EVI5L: variants seen among roughly 807,000 people sequenced by gnomAD.
EVI5L encodes the protein ecotropic viral integration site 5 like.
In EVI5L, 30 loss-of-function variants were observed where a neutral mutation model predicts 106.1. The observed-to-expected ratio is 0.28, with a 90% CI of 0.21 to 0.38. The LOEUF (loss-of-function observed/expected upper bound fraction) is 0.38. EVI5L is among the 10% of genes least tolerant of loss of function. EVI5L has a pLI of 1.00. For missense variants in EVI5L, 809 were observed against 1,098.0 expected, an observed-to-expected ratio of 0.74 and a Z score of 3.72; for synonymous variants, 489 against 483.3, an observed-to-expected ratio of 1.01 and a Z score of -0.15.
chr19:7,832,186 A>C (rs927241063), intron 1 of EVI5L, among the ~76,000 whole-genome samples: 24 of 152,222 alleles, frequency 1.6e-4, no homozygotes, highest in Admixed American at 1.4e-3. Context: ...TTCTGTGGTC[A>C]GCGGAGGGTG....
In EVI5L at chr19:7,845,833, C is replaced by T. The variant is rs1487527858; in HGVS notation, c.-47-663C>T. 2.6e-5 allele frequency among the ~76,000 whole-genome samples: 4 copies of T among 152,184 alleles called. No individual in the cohort carries two copies. The highest frequency in any genetic ancestry group is 4.4e-5 in the Non-Finnish European group (3 of 68,036). ...CACGTGGCAGGCCAAGATCTGGATA[C>T]GGATCGGAGCCCACAGCTCTGGCTC... is the stretch of plus-strand genomic sequence containing the variant. On this transcript the variant is annotated intron_variant, in intron 1 of 19. Coordinates refer to ENST00000538904, the MANE Select transcript of EVI5L (RefSeq NM_001159944.3). This position sits in a 1 kb window ranked among gnomAD's most constrained non-coding sequence, Gnocchi z 4.0.
In EVI5L at chr19:7,850,059, G is replaced by A; in HGVS notation, c.690G>A (p.Glu230=). ...VRLMQEYRLR[E]LFKPSMAELG... is the part of the protein sequence containing the mutation. Reference sequence around the variant, plus strand: ...TGATGCAGGAGTACCGGCTGCGGGAGCTCTTCAAACCCAGCATGGCCGAGC... The same window carrying A: ...TGATGCAGGAGTACCGGCTGCGGGAACTCTTCAAACCCAGCATGGCCGAGC... Residue 230 remains glutamate (E), a synonymous_variant, in exon 6 of 20, where the codon GAG becomes GAA. Coordinates refer to ENST00000538904, the MANE Select transcript of EVI5L (RefSeq NM_001159944.3). This position sits in a 1 kb window ranked among gnomAD's most constrained non-coding sequence, Gnocchi z 5.4. 6.2e-7 allele frequency: 1 copy of A among 1,605,136 alleles called. No individual in the cohort carries two copies. Among genetic ancestry groups the A allele is most frequent in the Middle Eastern group, 1.7e-4 (1 of 5,980 alleles).
chr19:7,840,632 C>T (rs555572889), intron 1 of EVI5L, among the ~76,000 whole-genome samples: 48 of 152,300 alleles, frequency 3.2e-4, no homozygotes, highest in African/African-American at 1.1e-3. Flanking sequence ...TTCCTCCCTC[C>T]CCCTGGCCCC....
At chr19:7,842,808 CGA>C (rs1449687129) in intron 1 of EVI5L, among the ~76,000 whole-genome samples, 2 of 147,470 alleles carry the variant, frequency 1.4e-5, no homozygotes, top group Non-Finnish European at 3.0e-5. Flanking sequence ...ATGTGTATAT[CGA>C]GTGTGCACAT....
chr19:7,853,121 C>G lies in EVI5L; in HGVS notation c.1023C>G (p.Ser341Arg). Reference protein sequence around the residue: ...FQRVIPHQFDSCPDKLVLKAY... With the variant: ...FQRVIPHQFDRCPDKLVLKAY... ...GAGTGATCCCCCACCAGTTCGACAGCTGCCCGGACAAGCTGGTCCTCAAAG... is the reference window on the plus strand; with the variant it reads ...GAGTGATCCCCCACCAGTTCGACAGGTGCCCGGACAAGCTGGTCCTCAAAG... The change falls in exon 9 of 20, where the codon AGC becomes AGG. Residue 341 changes from serine to arginine, a missense_variant. This residue lies in a region of EVI5L where 357 missense variants were observed against 588.1 expected (regional missense o/e 0.61). Coordinates refer to ENST00000538904, the MANE Select transcript of EVI5L (RefSeq NM_001159944.3). 1.2e-6 allele frequency: 2 copies of G among 1,613,978 alleles called. No individual in the cohort carries two copies. The highest frequency in any genetic ancestry group is 1.7e-6 in the Non-Finnish European group (2 of 1,180,038).
chr19:7,854,474 A>T (rs1259609943), intron 10 of EVI5L, among the ~76,000 whole-genome samples: 1 of 151,986 alleles, frequency 6.6e-6, no homozygotes, highest in East Asian at 1.9e-4. Context: ...ACAGACAAGG[A>T]TTCAATTCCA....
In EVI5L at chr19:7,856,851, C is replaced by T. The variant is rs1172228787; in HGVS notation, c.1201-241C>T. ...AGCCCTGCGGCCTCCCCCACAGCCG[C>T]GGGCACCCCCGACCTCCCCGCTCAC... On this transcript the variant is annotated intron_variant, in intron 11 of 19. Transcript: ENST00000538904. This position sits in a 1 kb window ranked among gnomAD's most constrained non-coding sequence, Gnocchi z 6.6. 4.4e-6 allele frequency: 3 copies of T among 684,236 alleles called. No homozygotes were observed. Among genetic ancestry groups the T allele is most frequent in the Admixed American group, 2.0e-5 (1 of 48,940 alleles). The allele number at this position is 684,236 out of a possible 1,614,324, so 42.4% of individuals were successfully genotyped here.
chr19:7,831,633 G>A (rs1239456736), intron 1 of EVI5L, among the ~76,000 whole-genome samples: 2 of 152,174 alleles, frequency 1.3e-5, no homozygotes, highest in Admixed American at 1.3e-4. Flanking sequence ...AGGGAAGGAC[G>A]CTCACTTTCT....
At position 7,856,930 on chromosome 19, in the gene EVI5L, C is replaced by A; in HGVS notation, c.1201-162C>A. 1.3e-6 allele frequency: 1 copy of A among 770,164 alleles called. No individual in the cohort carries two copies. Among genetic ancestry groups the A allele is most frequent in the South Asian group, 1.5e-5 (1 of 68,722 alleles). 47.7% of individuals were successfully genotyped at this position (770,164 alleles called of 1,614,324 possible). On this transcript the variant is annotated intron_variant, in intron 11 of 19. Transcript: ENST00000538904. The surrounding 1 kb of genome is among the most constrained non-coding windows in gnomAD (Gnocchi z 6.6). ...CTCTAGCTTTGGTCTTCCTCCGGGTCCTCTCCTGCTGGTTCTCTGGTCTTC... is the reference window on the plus strand; with the variant it reads ...CTCTAGCTTTGGTCTTCCTCCGGGTACTCTCCTGCTGGTTCTCTGGTCTTC...
At position 7,847,882 on chromosome 19, in the gene EVI5L, G is replaced by A. The variant is rs1320499182; in HGVS notation, c.288G>A (p.Glu96=). The A allele has an allele frequency of 6.3e-7, 1 of 1,580,996 alleles. No individual in the cohort carries two copies. Among genetic ancestry groups the A allele is most frequent in the Non-Finnish European group, 8.6e-7 (1 of 1,163,028 alleles). ...TWILWGRIAN[E]WEEWRRRKEK... ...TCCTGTGGGGCCGGATCGCCAACGA[G>A]TGGGAGGAGTGGCGGCGCAGGAAGG... The change falls in exon 3 of 20, where the codon GAG becomes GAA. Residue 96 remains glutamate (E), a synonymous_variant. Transcript: ENST00000538904.
chr19:7,863,497 TG>T lies in EVI5L; in HGVS notation c.2215del (p.Asp739ThrfsTer15). ...AFDGLSLARH[L>X]DEDSLPSSDE... ...GATGGGCTGAGCCTGGCGCGGCACT[TG>T]GACGAGGACTCGCTGCCGTCGTCGG... On this transcript the variant is annotated frameshift_variant, in exon 20 of 20. Transcript: ENST00000538904. LOFTEE classifies it high-confidence loss of function. This position sits in a 1 kb window ranked among gnomAD's most constrained non-coding sequence, Gnocchi z 7.7. 1.3e-6 allele frequency: 2 copies of T among 1,584,790 alleles called. No individual in the cohort carries two copies. Among genetic ancestry groups the T allele is most frequent in the Non-Finnish European group, 1.7e-6 (2 of 1,166,528 alleles).
rs1233793397 is a variant in EVI5L at position 7,857,906 on chromosome 19, CT to C, written c.1234-284del. On this transcript the variant is annotated intron_variant, in intron 12 of 19. Coordinates refer to ENST00000538904, the MANE Select transcript of EVI5L (RefSeq NM_001159944.3). The surrounding 1 kb of genome is among the most constrained non-coding windows in gnomAD (Gnocchi z 4.5). ...CTGTGCCCCTGGATAAGGATCCCAA[CT>C]GGGGCAGAGACTGAGAGCCAGAGTG... The C allele has an allele frequency of 2.4e-6, 1 of 421,696 alleles. No homozygotes were observed. The highest frequency in any genetic ancestry group is 4.3e-6 in the Non-Finnish European group (1 of 231,222). The allele number at this position is 421,696 out of a possible 1,614,324, so 26.1% of individuals were successfully genotyped here. A position where few individuals can be genotyped will look rare whatever the true frequency, so the allele number is the denominator to read the frequency against.
chr19:7,852,420 C>T (rs1979296534), intron 8 of EVI5L, among the ~76,000 whole-genome samples: 1 of 152,190 alleles, frequency 6.6e-6, no homozygotes, highest in African/African-American at 2.4e-5. Flanking sequence ...TTACCTTAAC[C>T]CTTTGCACAG....
At position 7,847,300 on chromosome 19, in the gene EVI5L, A is replaced by G. The variant is rs1315618754; in HGVS notation, c.138-432A>G. On this transcript the variant is annotated intron_variant, in intron 2 of 19. Transcript: ENST00000538904. ...AGAGCAAAACTCCGTCTCAAAAAAA[A>G]GGGGGCGCTGAGGGCAGTGGCTCAA... 4.6e-5 allele frequency among the ~76,000 whole-genome samples: 7 copies of G among 151,948 alleles called. No homozygotes were observed. In the East Asian group the frequency reaches 1.2e-3, roughly 25 times the overall value.
In EVI5L at chr19:7,853,118, C is replaced by G; in HGVS notation, c.1020C>G (p.Asp340Glu). ...AGAGAGTGATCCCCCACCAGTTCGA[C>G]AGCTGCCCGGACAAGCTGGTCCTCA... is the stretch of plus-strand genomic sequence containing the variant. ...YFQRVIPHQF[D>E]SCPDKLVLKA... Residue 340 changes from aspartate to glutamate, a missense_variant, in exon 9 of 20, where the codon GAC becomes GAG. Physicochemically the swap from Asp to Glu is conservative, Grantham distance 45 (BLOSUM62 2). This residue lies in a region of EVI5L where 357 missense variants were observed against 588.1 expected (regional missense o/e 0.61). Coordinates refer to ENST00000538904, the MANE Select transcript of EVI5L (RefSeq NM_001159944.3). The G allele has an allele frequency of 6.2e-7, 1 of 1,613,988 alleles. No individual in the cohort carries two copies. Among genetic ancestry groups the G allele is most frequent in the South Asian group, 1.1e-5 (1 of 91,090 alleles).
intron 6 of EVI5L, among the ~76,000 whole-genome samples, chr19:7,851,021 T>TGGG (rs5826986): frequency 6.8e-6 from 1 of 148,098 alleles, no homozygotes; most frequent in Non-Finnish European, 1.5e-5. Flanking sequence ...CGTAACAAGG[T>TGGG]GGGGGGGGGG....
In EVI5L at chr19:7,848,865, AC is replaced by A; in HGVS notation, c.328-55del. 6.4e-7 allele frequency: 1 copy of A among 1,555,782 alleles called. No individual in the cohort carries two copies. Among genetic ancestry groups the A allele is most frequent in the Non-Finnish European group, 8.8e-7 (1 of 1,142,110 alleles). ...GCCTGAGGAGCTGGGCTGGGTGGCC[AC>A]GGGGAGGCTGCGCTGGGACCGAGTC... On this transcript the variant is annotated intron_variant, in intron 3 of 19. Coordinates refer to ENST00000538904, the MANE Select transcript of EVI5L (RefSeq NM_001159944.3). The surrounding 1 kb of genome is among the most constrained non-coding windows in gnomAD (Gnocchi z 4.8).
Position 7,848,121 on chromosome 19 carries a change from C to T in EVI5L, c.327+200C>T, listed in dbSNP as rs1417106087. Among the ~76,000 whole-genome samples the T allele has an allele frequency of 2.0e-5, 3 of 152,148 alleles. No individual in the cohort carries two copies. The highest frequency in any genetic ancestry group is 2.0e-4 in the Admixed American group (3 of 15,282). On this transcript the variant is annotated intron_variant, in intron 3 of 19. Transcript: ENST00000538904. This position sits in a 1 kb window ranked among gnomAD's most constrained non-coding sequence, Gnocchi z 4.8. ...GAGTCAGGGTGGTGCTGGACAGGCC[C>T]TGCACCCTCGAGTGCCCATGTGCTT...
chr19:7,843,760 G>T (rs1478026996), intron 1 of EVI5L, among the ~76,000 whole-genome samples: 1 of 151,996 alleles, frequency 6.6e-6, no homozygotes, highest in Non-Finnish European at 1.5e-5. Flanking sequence ...GAGTGGGGGT[G>T]GGTGTGAATG....
Sources: allele counts gnomAD v4.1 joint callset (sites outside exome capture counted in the v4.1 genomes callset), GRCh38; gene constraint gnomAD v4.1.1; regional missense constraint gnomAD v4.1.1; non-coding constraint Gnocchi (gnomAD v3.1); transcripts MANE v1.5; gene names NCBI Gene and HGNC (gene_info 2026-07-23, HGNC 2026-07-21).